The following SLC24A2 variants were observed in gnomAD, a reference collection of about 807,000 sequenced individuals.
The protein encoded by SLC24A2 is solute carrier family 24 member 2, also known as sodium/potassium/calcium exchanger 2.
Under a neutral mutation model 62.0 loss-of-function variants are expected in SLC24A2, and 36 were observed. That is an observed-to-expected ratio of 0.58 (90% CI 0.44 to 0.77). SLC24A2 has a LOEUF of 0.77. Ranked by LOEUF, SLC24A2 falls within the 30% of genes least tolerant of loss-of-function variation. The pLI is 0.00. For missense variants in SLC24A2, 846 were observed against 817.9 expected (o/e 1.03, Z -0.42); for synonymous variants, 358 against 294.0 (o/e 1.22, Z -2.23).
chr9:19,683,404 G>A (rs1376480183), intron 2 of SLC24A2, among the ~76,000 whole-genome samples: 1 of 152,080 alleles, frequency 6.6e-6, no homozygotes, highest in African/African-American at 2.4e-5. Flanking sequence ...AAAGATGGAG[G>A]AGCTCATTGT....
chr9:20,076,954 A>T, the SLC24A2 span, among the ~76,000 whole-genome samples: 17 of 148,938 alleles, frequency 1.1e-4, no homozygotes, highest in South Asian at 3.6e-3. Context: ...TATATAATGA[A>T]ATATTATTCA....
chr9:20,191,551 C>T, the SLC24A2 span, among the ~76,000 whole-genome samples: 1 of 151,554 alleles, frequency 6.6e-6, no homozygotes, highest in Non-Finnish European at 1.5e-5. Flanking sequence ...GAGTTTATTC[C>T]CTATGGCTAG....
the SLC24A2 span, among the ~76,000 whole-genome samples, chr9:20,081,172 T>C: frequency 2.6e-4 from 40 of 152,230 alleles, no homozygotes; most frequent in Non-Finnish European, 5.0e-4. Context: ...TAAAGACACA[T>C]GCACACGTAT....
At chr9:20,290,216 T>A in the SLC24A2 span, among the ~76,000 whole-genome samples, 2 of 152,218 alleles carry the variant, frequency 1.3e-5, no homozygotes, top group Non-Finnish European at 2.9e-5. Flanking sequence ...AAGGCTGAAC[T>A]CTGTCAAACC....
At chr9:19,649,746 G>T (rs1018622957) in intron 2 of SLC24A2, among the ~76,000 whole-genome samples, 3 of 152,194 alleles carry the variant, frequency 2.0e-5, no homozygotes, top group Admixed American at 6.5e-5. Context: ...ACAGCGGAAA[G>T]AAATAAGATT....
intron 2 of SLC24A2, among the ~76,000 whole-genome samples, chr9:19,668,470 T>A (rs961271523): frequency 4.6e-5 from 7 of 152,222 alleles, no homozygotes; most frequent in African/African-American, 1.7e-4. Flanking sequence ...TGCATGCCTA[T>A]GCTCAATCTT....
chr9:20,087,353 A>C, the SLC24A2 span, among the ~76,000 whole-genome samples: 1 of 152,208 alleles, frequency 6.6e-6, no homozygotes, highest in Non-Finnish European at 1.5e-5. Flanking sequence ...GATATTAACA[A>C]TAGGAACGTA....
the SLC24A2 span, among the ~76,000 whole-genome samples, chr9:20,097,587 T>C: frequency 1.3e-5 from 2 of 152,056 alleles, no homozygotes; most frequent in African/African-American, 4.8e-5. Flanking sequence ...CTACTGAGAA[T>C]ACAAATCAAA....
chr9:20,258,697 G>C, the SLC24A2 span, among the ~76,000 whole-genome samples: 6 of 152,030 alleles, frequency 3.9e-5, no homozygotes, highest in South Asian at 1.0e-3. Context: ...GCTTGCAGAT[G>C]GTCTGTCACG....
intron 2 of SLC24A2, among the ~76,000 whole-genome samples, chr9:19,733,765 C>T (rs1265424140): frequency 1.3e-5 from 2 of 152,162 alleles, no homozygotes; most frequent in Non-Finnish European, 2.9e-5. Context: ...CTCTGTTGGG[C>T]ACCTCTGACC....
At chr9:19,746,110 T>C (rs545422496) in intron 2 of SLC24A2, among the ~76,000 whole-genome samples, 50 of 148,488 alleles carry the variant, frequency 3.4e-4, no homozygotes, top group South Asian at 1.7e-3. Flanking sequence ...TTTTCTCTCT[T>C]TTTTTTTTTA....
chr9:20,133,880 G>A, the SLC24A2 span, among the ~76,000 whole-genome samples: 1 of 152,148 alleles, frequency 6.6e-6, no homozygotes, highest in Non-Finnish European at 1.5e-5. Flanking sequence ...CCTATGAGAA[G>A]TATCTGAATA....
the SLC24A2 span, among the ~76,000 whole-genome samples, chr9:20,191,893 T>C: frequency 6.6e-6 from 1 of 152,050 alleles, no homozygotes; most frequent in African/African-American, 2.4e-5. Context: ...ACACACATGT[T>C]TATGAACAGT....
chr9:19,791,752 A>T (rs1823322860), upstream of SLC24A2, among the ~76,000 whole-genome samples: 1 of 152,242 alleles, frequency 6.6e-6, no homozygotes, highest in Admixed American at 6.5e-5. Context: ...AAAATTTACT[A>T]CCATCAAATG....
At chr9:19,906,912 C>T in the SLC24A2 span, among the ~76,000 whole-genome samples, 572 of 152,174 alleles carry the variant, frequency 3.8e-3, 2 homozygotes, top group South Asian at 0.018. Flanking sequence ...GAGGAGCTGG[C>T]ACCATTCCTT....
At chr9:19,541,879 C>T (rs922673763) in intron 8 of SLC24A2, among the ~76,000 whole-genome samples, 1 of 152,102 alleles carries the variant, frequency 6.6e-6, no homozygotes, top group African/African-American at 2.4e-5. Flanking sequence ...GTAGGACCCT[C>T]TGAGCCAGGT....
the SLC24A2 span, among the ~76,000 whole-genome samples, chr9:19,962,718 G>C: frequency 1.3e-5 from 2 of 152,328 alleles, no homozygotes; most frequent in East Asian, 3.9e-4. Context: ...TTGAACCTGA[G>C]ACTTTGCTGA....
intron 2 of SLC24A2, among the ~76,000 whole-genome samples, chr9:19,698,792 G>A (rs932148906): frequency 6.6e-6 from 1 of 152,162 alleles, no homozygotes; most frequent in Non-Finnish European, 1.5e-5. Flanking sequence ...ATCCTGCCTA[G>A]GTGACATGGA....
Position 19,711,301 on chromosome 9 carries a change from G to A in SLC24A2, c.930+74636C>T, listed in dbSNP as rs183976018. Among the ~76,000 whole-genome samples the A allele has an allele frequency of 8.5e-5, 13 of 152,224 alleles. 1 individual carries two copies. Among genetic ancestry groups the A allele is most frequent in the African/African-American group, 2.9e-4 (12 of 41,526 alleles). ...AAGTTGTATGTGCTTGGATTTTCTT[G>A]AGCTTTAAATTAGTCCCAGTTTTAA... is the stretch of plus-strand genomic sequence containing the variant. On this transcript the variant is annotated intron_variant, in intron 2 of 10. Coordinates refer to ENST00000341998, the MANE Select transcript of SLC24A2 (RefSeq NM_020344.4).
Sources: allele counts gnomAD v4.1 joint callset (sites outside exome capture counted in the v4.1 genomes callset), GRCh38; gene constraint gnomAD v4.1.1; transcripts MANE v1.5; gene names NCBI Gene and HGNC (gene_info 2026-07-23, HGNC 2026-07-21).